The following CFAP299 variants were observed in gnomAD, a reference collection of about 807,000 sequenced individuals.
The protein encoded by CFAP299 is cilia and flagella associated protein 299.
In CFAP299, 21 loss-of-function variants were observed where a neutral mutation model predicts 27.0. The observed-to-expected ratio is 0.78, with a 90% CI of 0.55 to 1.12. The LOEUF (loss-of-function observed/expected upper bound fraction) is 1.12, where lower values mean the gene tolerates loss of function less well. Ranked by LOEUF, CFAP299 falls within the 50% of genes most tolerant of loss-of-function variation. The pLI, the probability that CFAP299 is intolerant of heterozygous loss-of-function variation, is 0.00. For missense variants in CFAP299, 310 were observed against 276.6 expected, an observed-to-expected ratio of 1.12 and a Z score of -0.86; for synonymous variants, 104 against 98.1, an observed-to-expected ratio of 1.06 and a Z score of -0.36.
At chr4:80,809,455 T>G (rs1045453475) in intron 3 of CFAP299, among the ~76,000 whole-genome samples, 2 of 152,108 alleles carry the variant, frequency 1.3e-5, no homozygotes, top group African/African-American at 4.8e-5. Flanking sequence ...AGAGACCCTT[T>G]GCATTCTGTG....
intron 3 of CFAP299, among the ~76,000 whole-genome samples, chr4:80,746,846 A>G (rs1724637216): frequency 1.3e-5 from 2 of 152,066 alleles, no homozygotes; most frequent in South Asian, 2.1e-4. Context: ...CAACCTAATC[A>G]AGCTCATTCA....
At chr4:80,850,753 G>T (rs1188202860) in intron 3 of CFAP299, among the ~76,000 whole-genome samples, 1 of 152,028 alleles carries the variant, frequency 6.6e-6, no homozygotes, top group Non-Finnish European at 1.5e-5. Flanking sequence ...AGCTAATTTT[G>T]AAAATGGATA....
chr4:80,878,111 C>T (rs576683179), intron 4 of CFAP299, among the ~76,000 whole-genome samples: 1 of 152,054 alleles, frequency 6.6e-6, no homozygotes, highest in Non-Finnish European at 1.5e-5. Flanking sequence ...TGTATTATAG[C>T]TACTTGTGTG....
the CFAP299 span, among the ~76,000 whole-genome samples, chr4:80,328,599 C>T: frequency 6.6e-6 from 1 of 151,738 alleles, no homozygotes; most frequent in Non-Finnish European, 1.5e-5. Context: ...GTAAAATAGA[C>T]TTAAAAAAAA....
rs550414533 is a variant in CFAP299 at position 80,572,507 on chromosome 4, G to GTTTTTTTTTTTTTTTTTTTTTTTTTTTT, written c.243-10585_243-10558dup. On this transcript the variant is annotated intron_variant, in intron 2 of 5. Coordinates refer to ENST00000358105, the MANE Select transcript of CFAP299 (RefSeq NM_152770.3). ...TGTTGTTGCACATGACTGGATCCCAGTTTTTTTTTTTTTTTTTTTTTTTTT... is the reference window on the plus strand; with the variant it reads ...TGTTGTTGCACATGACTGGATCCCAGTTTTTTTTTTTTTTTTTTTTTTTTTTTTTTTTTTTTTTTTTTTTTTTTTTTTT... Among the ~76,000 whole-genome samples, 25 of 36,390 alleles carry GTTTTTTTTTTTTTTTTTTTTTTTTTTTT rather than the reference G, an allele frequency of 6.9e-4. 10 individuals are homozygous for GTTTTTTTTTTTTTTTTTTTTTTTTTTTT. Among genetic ancestry groups the GTTTTTTTTTTTTTTTTTTTTTTTTTTTT allele is most frequent in the Non-Finnish European group, 1.1e-3 (22 of 19,382 alleles). The allele number at this position is 36,390 out of a possible 152,430, so 23.9% of individuals were successfully genotyped here.
chr4:80,344,269 A>AAG (rs755646767), intron 1 of CFAP299, among the ~76,000 whole-genome samples: 8 of 152,066 alleles, frequency 5.3e-5, no homozygotes, highest in African/African-American at 1.2e-4. Flanking sequence ...GTAAAAAAAA[A>AAG]AGAGAGAGAG....
chr4:80,484,911 T>C (rs1304189517), intron 2 of CFAP299, among the ~76,000 whole-genome samples: 1 of 152,130 alleles, frequency 6.6e-6, no homozygotes, highest in African/African-American at 2.4e-5. Flanking sequence ...ACATTCCTTA[T>C]AGAAAAACCT....
At chr4:80,389,449 A>G (rs1439240479) in intron 2 of CFAP299, among the ~76,000 whole-genome samples, 6 of 152,178 alleles carry the variant, frequency 3.9e-5, no homozygotes, top group African/African-American at 1.4e-4. Flanking sequence ...AATTAAGGCA[A>G]TTTGCAGCTG....
intron 4 of CFAP299, among the ~76,000 whole-genome samples, chr4:80,941,910 G>A (rs934213439): frequency 5.9e-5 from 9 of 152,096 alleles, no homozygotes; most frequent in African/African-American, 2.2e-4. Flanking sequence ...GTACCAAGAA[G>A]GAAATGTGCC....
At chr4:80,879,406 C>A (rs984399315) in intron 4 of CFAP299, among the ~76,000 whole-genome samples, 7 of 152,076 alleles carry the variant, frequency 4.6e-5, no homozygotes, top group African/African-American at 1.7e-4. Context: ...CTTAGGTCTC[C>A]TAATCCCTAG....
chr4:80,880,576 A>G (rs888758265), intron 4 of CFAP299, among the ~76,000 whole-genome samples: 4 of 151,958 alleles, frequency 2.6e-5, no homozygotes, highest in African/African-American at 9.7e-5. Context: ...CTAAAAAAAA[A>G]TTAGCCAGAT....
At chr4:80,714,422 G>C (rs1351800565) in intron 3 of CFAP299, among the ~76,000 whole-genome samples, 1 of 152,080 alleles carries the variant, frequency 6.6e-6, no homozygotes, top group East Asian at 1.9e-4. Flanking sequence ...AATGCTCTGG[G>C]TAAAGGACAA....
chr4:80,541,331 C>G (rs1216043783), intron 2 of CFAP299, among the ~76,000 whole-genome samples: 2 of 152,128 alleles, frequency 1.3e-5, no homozygotes, highest in Admixed American at 1.3e-4. Context: ...TAATTCCGAT[C>G]ATTGTATGAA....
chr4:80,611,579 A>G (rs928941145), intron 3 of CFAP299, among the ~76,000 whole-genome samples: 1 of 152,086 alleles, frequency 6.6e-6, no homozygotes, highest in African/African-American at 2.4e-5. Flanking sequence ...ATTTACATAG[A>G]GAACAAAGTT....
intron 3 of CFAP299, among the ~76,000 whole-genome samples, chr4:80,766,523 A>G (rs1223922280): frequency 6.6e-6 from 1 of 152,180 alleles, no homozygotes; most frequent in Non-Finnish European, 1.5e-5. Flanking sequence ...CAACATTTTT[A>G]TATAGCGTTC....
intron 3 of CFAP299, among the ~76,000 whole-genome samples, chr4:80,596,134 A>G (rs1189188299): frequency 2.0e-5 from 3 of 152,186 alleles, no homozygotes; most frequent in Non-Finnish European, 4.4e-5. Context: ...GCAGAGAGGG[A>G]CAGATACATG....
chr4:80,734,499 G>T (rs1452324411), intron 3 of CFAP299, among the ~76,000 whole-genome samples: 1 of 152,006 alleles, frequency 6.6e-6, no homozygotes, highest in Non-Finnish European at 1.5e-5. Context: ...TTTTTGCTTT[G>T]GTTGCCTGTG....
At chr4:80,370,070 TC>T (rs535366681) in intron 2 of CFAP299, among the ~76,000 whole-genome samples, 7 of 152,308 alleles carry the variant, frequency 4.6e-5, no homozygotes, top group Admixed American at 2.0e-4. Context: ...CTGCTCAGCT[TC>T]TGGGGAGTCC....
intron 2 of CFAP299, among the ~76,000 whole-genome samples, chr4:80,419,669 G>C (rs1727194843): frequency 1.3e-5 from 2 of 152,018 alleles, no homozygotes; most frequent in South Asian, 4.2e-4. Flanking sequence ...CCCGGTGCGG[G>C]GTGCCTCTCC....
Sources: allele counts gnomAD v4.1 joint callset (sites outside exome capture counted in the v4.1 genomes callset), GRCh38; gene constraint gnomAD v4.1.1; transcripts MANE v1.5; gene names NCBI Gene and HGNC (gene_info 2026-07-23, HGNC 2026-07-21).